The following DCTD variants were observed in gnomAD, a reference collection of about 807,000 sequenced individuals.
DCTD encodes deoxycytidylate deaminase.
A neutral mutation model predicts 21.0 loss-of-function variants in DCTD; 23 were observed. The observed-to-expected ratio is 1.09, with a 90% CI of 0.79 to 1.55. DCTD has a LOEUF of 1.55. DCTD is among the 40% of genes most tolerant of loss of function. DCTD has a pLI of 0.00. For synonymous variants in DCTD, 71 were observed against 81.1 expected (o/e 0.88, Z 0.67); for missense variants, 224 against 230.0 (o/e 0.97, Z 0.17).
chr4:182,910,237 C>G (rs1737438924), intron 3 of DCTD, among the ~76,000 whole-genome samples: 1 of 152,206 alleles, frequency 6.6e-6, no homozygotes, highest in Non-Finnish European at 1.5e-5. Flanking sequence ...CAGCAGAAAT[C>G]AGCAAGGCCA....
At chr4:182,903,195 C>G (rs1736057510) in intron 3 of DCTD, among the ~76,000 whole-genome samples, 2 of 152,166 alleles carry the variant, frequency 1.3e-5, no homozygotes, top group African/African-American at 2.4e-5. Flanking sequence ...GTACTCAGAA[C>G]AGGACCTGTT....
intron 5 of DCTD, among the ~76,000 whole-genome samples, chr4:182,892,340 A>C (rs1233838188): frequency 6.6e-6 from 1 of 152,228 alleles, no homozygotes; most frequent in Non-Finnish European, 1.5e-5. Flanking sequence ...GATAATCATA[A>C]AAATCTGTAA....
chr4:182,907,514 T>C (rs751969782), intron 3 of DCTD, among the ~76,000 whole-genome samples: 1 of 152,222 alleles, frequency 6.6e-6, no homozygotes, highest in African/African-American at 2.4e-5. Context: ...TGGAGTAACC[T>C]ACAGTCTGAC....
intron 1 of DCTD, 47 bp from the exon 2 acceptor site, chr4:182,915,622 T>G: frequency 7.7e-7 from 1 of 1,291,914 alleles, no homozygotes; most frequent in Non-Finnish European, 1.1e-6. Context: ...AGCATTTTAG[T>G]AAGTCTGTTT....
intron 1 of DCTD, chr4:182,916,601 GC>G: frequency 3.0e-6 from 3 of 995,468 alleles, no homozygotes; most frequent in Non-Finnish European, 3.6e-6. Context: ...TGATTACGCT[GC>G]CCCACATCTG....
rs558292173 is a variant in DCTD at position 182,903,108 on chromosome 4, G to A, written c.245-8503C>T. 2.9e-3 allele frequency among the ~76,000 whole-genome samples: 444 copies of A among 152,232 alleles called. 1 individual carries two copies. The highest frequency in any genetic ancestry group is 6.3e-3 in the Admixed American group (96 of 15,286). On this transcript the variant is annotated intron_variant, in intron 3 of 5. Transcript: ENST00000438320. ...CCCTTCCCATCTCACAGGGTCACAC[G>A]AACAGCAAGTGAGGGACACAGTAGG...
At chr4:182,915,688 G>C in intron 1 of DCTD, 113 bp from the exon 2 acceptor site, 1 of 832,808 alleles carries the variant, frequency 1.2e-6, no homozygotes, top group African/African-American at 1.7e-5. Context: ...GGCAACTTCA[G>C]CTACATTTAT....
intron 4 of DCTD, among the ~76,000 whole-genome samples, 167 bp from the exon 5 acceptor site, chr4:182,893,294 C>A (rs1449411027): frequency 6.6e-6 from 1 of 152,144 alleles, no homozygotes; most frequent in Non-Finnish European, 1.5e-5. Flanking sequence ...CTTTCTAATA[C>A]AGCAGAGGGT....
chr4:182,913,134 C>T (rs1023081968), intron 3 of DCTD, among the ~76,000 whole-genome samples: 1 of 152,206 alleles, frequency 6.6e-6, no homozygotes, highest in South Asian at 2.1e-4. Flanking sequence ...AATCACTTCC[C>T]TTCTTTCTTA....
At chr4:182,900,981 T>A (rs1298552354) in intron 3 of DCTD, among the ~76,000 whole-genome samples, 1 of 152,232 alleles carries the variant, frequency 6.6e-6, no homozygotes, top group Non-Finnish European at 1.5e-5. Context: ...TTAGTAGGGC[T>A]TGATTAATCC....
At chr4:182,900,858 GTTTTTT>G (rs56281426) in intron 3 of DCTD, among the ~76,000 whole-genome samples, 5 of 143,256 alleles carry the variant, frequency 3.5e-5, no homozygotes, top group Non-Finnish European at 7.7e-5. Context: ...ATATGCTTTG[GTTTTTT>G]TTTTTTTTCT....
chr4:182,895,602 CCTT>C (rs2152855400), intron 3 of DCTD, among the ~76,000 whole-genome samples: 1 of 152,308 alleles, frequency 6.6e-6, no homozygotes, highest in South Asian at 2.1e-4. Flanking sequence ...GCGACATCCT[CCTT>C]GAGGGGGAAT....
In DCTD at chr4:182,890,735, C is replaced by G. The variant is rs541748103; in HGVS notation, c.*664G>C. The G allele has an allele frequency of 6.6e-6, 1 of 152,506 alleles. No individual in the cohort carries two copies. Among genetic ancestry groups the G allele is most frequent in the South Asian group, 2.1e-4 (1 of 4,832 alleles). 9.4% of individuals were successfully genotyped at this position (152,506 alleles called of 1,614,324 possible). On this transcript the variant is annotated 3_prime_UTR_variant, in exon 6 of 6. Coordinates refer to ENST00000438320, the MANE Select transcript of DCTD (RefSeq NM_001921.3). ...CAAAACAACAGGCGTCCCCACCCCC[C>G]AGAGGGATAATGTGCCACCACCCTG...
At chr4:182,894,205 A>C (rs1177556745) in intron 4 of DCTD, among the ~76,000 whole-genome samples, 1 of 151,476 alleles carries the variant, frequency 6.6e-6, no homozygotes, top group Non-Finnish European at 1.5e-5. Flanking sequence ...AGAGAACAGT[A>C]AATTGACAGT....
At position 182,915,112 on chromosome 4, in the gene DCTD, T is replaced by C; in HGVS notation, c.109-54A>G. 1.2e-6 allele frequency: 2 copies of C among 1,611,916 alleles called. 1 individual carries two copies. Among genetic ancestry groups the C allele is most frequent in the South Asian group, 2.2e-5 (2 of 90,952 alleles). ...TGCCTGCAACTGGCTGGTCTGCCGC[T>C]GTGGAAGCAGGGAATAAAACCAGGG... On this transcript the variant is annotated intron_variant, in intron 2 of 5. Coordinates refer to ENST00000438320, the MANE Select transcript of DCTD (RefSeq NM_001921.3).
At chr4:182,897,524 ATT>A (rs1734955182) in intron 3 of DCTD, among the ~76,000 whole-genome samples, 1 of 141,966 alleles carries the variant, frequency 7.0e-6, no homozygotes, top group African/African-American at 2.7e-5. Flanking sequence ...ATATATATAT[ATT>A]TACATATATA....
chr4:182,891,858 A>C (rs1733812172), intron 5 of DCTD, among the ~76,000 whole-genome samples: 1 of 152,122 alleles, frequency 6.6e-6, no homozygotes, highest in Admixed American at 6.6e-5. Flanking sequence ...GCAAAAAAAT[A>C]GTAAATTTTC....
rs767696704 is a variant in DCTD, at chr4:182,909,313, T to C, written c.244+5610A>G. 2.5e-3 allele frequency among the ~76,000 whole-genome samples: 378 copies of C among 152,316 alleles called. 6 individuals are homozygous for C. Among genetic ancestry groups the C allele is most frequent in the Non-Finnish European group, 4.3e-3 (290 of 68,026 alleles). On this transcript the variant is annotated intron_variant, in intron 3 of 5. Coordinates refer to ENST00000438320, the MANE Select transcript of DCTD (RefSeq NM_001921.3). The stretch of plus-strand genomic sequence containing the variant: ...GGGAGAAGACTCATATATACACTGG[T>C]GTGTCCCTCTGTTTATCTGAAACCC...
chr4:182,917,145 G>A lies in DCTD; in HGVS notation c.-8+166C>T. 1.0e-6 allele frequency: 1 copy of A among 976,512 alleles called. No individual in the cohort carries two copies. The highest frequency in any genetic ancestry group is 1.2e-6 in the Non-Finnish European group (1 of 822,674). 60.5% of individuals were successfully genotyped at this position (976,512 alleles called of 1,614,324 possible). Reference sequence around the variant, plus strand: ...GACCCCGAGCGCCCCCACCCCGCCCGCATTCTCCGATCTAAAGGCTGAGCG... The same window carrying A: ...GACCCCGAGCGCCCCCACCCCGCCCACATTCTCCGATCTAAAGGCTGAGCG... On this transcript the variant is annotated intron_variant, in intron 1 of 5. Coordinates refer to ENST00000438320, the MANE Select transcript of DCTD (RefSeq NM_001921.3). This position sits in a 1 kb window ranked among gnomAD's most constrained non-coding sequence, Gnocchi z 4.9.
Sources: gnomAD v4.1 joint callset for allele counts (sites outside exome capture counted in the v4.1 genomes callset) on GRCh38, gnomAD v4.1.1 for gene constraint, Gnocchi (gnomAD v3.1) non-coding constraint, MANE v1.5 for transcripts, NCBI Gene and HGNC (gene_info 2026-07-23, HGNC 2026-07-21) for gene names.